The following MTCL1 variants were observed in gnomAD, a reference collection of about 807,000 sequenced individuals.
The protein encoded by MTCL1 is microtubule cross-linking factor 1.
A neutral mutation model predicts 141.4 loss-of-function variants in MTCL1; 79 were observed. The observed-to-expected ratio is 0.56, with a 90% CI of 0.47 to 0.67. MTCL1 has a LOEUF of 0.67. MTCL1 is among the 30% of genes least tolerant of loss of function. MTCL1 has a pLI of 0.00. For missense variants in MTCL1, 2,177 were observed against 2,113.9 expected, an observed-to-expected ratio of 1.03 and a Z score of -0.59; for synonymous variants, 914 against 875.8, an observed-to-expected ratio of 1.04 and a Z score of -0.77.
At chr18:8,761,151 C>A (rs1261289040) in intron 4 of MTCL1, among the ~76,000 whole-genome samples, 1 of 152,236 alleles carries the variant, frequency 6.6e-6, no homozygotes, top group East Asian at 1.9e-4. Context: ...ACTCGCCTGT[C>A]TTTGCTTCTT....
At chr18:8,794,323 C>T (rs2075839273) in intron 8 of MTCL1, among the ~76,000 whole-genome samples, 1 of 152,148 alleles carries the variant, frequency 6.6e-6, no homozygotes. Flanking sequence ...AGGAGATGTC[C>T]TCCAGGCTTG....
At chr18:8,801,246 T>A (rs2076111714) in intron 10 of MTCL1, among the ~76,000 whole-genome samples, 1 of 151,672 alleles carries the variant, frequency 6.6e-6, no homozygotes, top group Non-Finnish European at 1.5e-5. Context: ...TTGCCCAAGA[T>A]GAAAAACTTC....
chr18:8,794,975 A>G (rs527659281), intron 8 of MTCL1, among the ~76,000 whole-genome samples: 2 of 152,364 alleles, frequency 1.3e-5, no homozygotes, highest in South Asian at 2.1e-4. Flanking sequence ...TGCCTTATCA[A>G]TAGGAAATTG....
At chr18:8,831,160 T>G (rs1348367637) in intron 16 of MTCL1, 19 of 989,944 alleles carry the variant, frequency 1.9e-5, no homozygotes, top group Admixed American at 5.8e-5. Context: ...GAGGTCTCTT[T>G]GTGGGCTCCC....
At chr18:8,807,165 G>T in intron 11 of MTCL1, 105 bp downstream of exon 10, 2 of 1,228,310 alleles carry the variant, frequency 1.6e-6, no homozygotes, top group Non-Finnish European at 2.2e-6. Context: ...TGGGCTTCTT[G>T]TCCAGGAAAA....
At position 8,822,677 on chromosome 18, in the gene MTCL1, A is replaced by T. The variant is rs1598811789; in HGVS notation, c.3188+1179A>T. ...CTCAGTTTCCTCATCTGTATACAGG[A>T]CGTATTTTGATTATCTTTTTTTTTT... On this transcript the variant is annotated intron_variant, in intron 14 of 16. Coordinates refer to ENST00000359865, the Ensembl canonical transcript of MTCL1. This position sits in a 1 kb window ranked among gnomAD's most constrained non-coding sequence, Gnocchi z 4.6. Among the ~76,000 whole-genome samples the T allele has an allele frequency of 6.6e-6, 1 of 151,150 alleles. No individual in the cohort carries two copies. The highest frequency in any genetic ancestry group is 1.9e-4 in the East Asian group (1 of 5,176).
chr18:8,751,358 G>A (rs1194536889), intron 4 of MTCL1, among the ~76,000 whole-genome samples: 2 of 152,130 alleles, frequency 1.3e-5, no homozygotes, highest in Non-Finnish European at 2.9e-5. Flanking sequence ...GCCTCTTTTG[G>A]TGACCACCCA....
At chr18:8,821,342 G>A (rs2076839528) in intron 13 of MTCL1, 125 bp from the exon 13 acceptor site, 1 of 624,734 alleles carries the variant, frequency 1.6e-6, no homozygotes, top group Admixed American at 2.9e-5. Flanking sequence ...CCAGAGCTTG[G>A]CCTCAGTGCA....
chr18:8,734,095 G>T (rs765131841), intron 4 of MTCL1, among the ~76,000 whole-genome samples: 1 of 151,998 alleles, frequency 6.6e-6, no homozygotes, highest in Non-Finnish European at 1.5e-5. Flanking sequence ...CTTGGAGCAG[G>T]GTTTCTCTGC....
chr18:8,726,695 A>C (rs753094886), intron 4 of MTCL1, among the ~76,000 whole-genome samples: 1 of 152,104 alleles, frequency 6.6e-6, no homozygotes, highest in Non-Finnish European at 1.5e-5. Context: ...TTCAGTCCAT[A>C]ATAAGGGGGA....
intron 10 of MTCL1, among the ~76,000 whole-genome samples, chr18:8,804,785 G>GTT (rs1203247298): frequency 6.6e-6 from 1 of 152,140 alleles, no homozygotes; most frequent in East Asian, 1.9e-4. Flanking sequence ...TGAGGCCAGA[G>GTT]TTTGAGACCA....
intron 5 of MTCL1, among the ~76,000 whole-genome samples, chr18:8,778,792 C>T (rs901782334): frequency 6.6e-6 from 1 of 152,254 alleles, no homozygotes; most frequent in Non-Finnish European, 1.5e-5. Flanking sequence ...TGCTTATACT[C>T]TTCTGGGCTG....
intron 10 of MTCL1, among the ~76,000 whole-genome samples, chr18:8,806,374 G>A (rs964410769): frequency 6.6e-6 from 1 of 152,130 alleles, no homozygotes; most frequent in African/African-American, 2.4e-5. Flanking sequence ...TTCTCCTCTA[G>A]TACAACATCT....
chr18:8,808,094 TGATA>T (rs2076362639), intron 11 of MTCL1, among the ~76,000 whole-genome samples: 2 of 151,840 alleles, frequency 1.3e-5, no homozygotes, highest in Non-Finnish European at 2.9e-5. Context: ...GATGCTGAGC[TGATA>T]GCCCTGGGTG....
chr18:8,713,112 G>A (rs769277137), upstream of MTCL1, among the ~76,000 whole-genome samples: 1 of 152,032 alleles, frequency 6.6e-6, no homozygotes, highest in Non-Finnish European at 1.5e-5. Flanking sequence ...TGCACACCTG[G>A]TACCTCATTA....
intron 9 of MTCL1, among the ~76,000 whole-genome samples, 166 bp downstream of exon 8, chr18:8,796,628 CACTT>C (rs2075931985): frequency 6.6e-6 from 1 of 152,142 alleles, no homozygotes; most frequent in Non-Finnish European, 1.5e-5. Context: ...TTCATACAGA[CACTT>C]AGATAAGAGA....
Position 8,768,823 on chromosome 18 carries a change from G to T in MTCL1, c.358-9010G>T, listed in dbSNP as rs796837776. Among the ~76,000 whole-genome samples the T allele has an allele frequency of 4.9e-4, 61 of 124,950 alleles. 2 individuals are homozygous for T. The highest frequency in any genetic ancestry group is 1.9e-3 in the African/African-American group (61 of 31,464). 82.0% of individuals were successfully genotyped at this position (124,950 alleles called of 152,430 possible). ...TTTTTTTTTTTTGAGATGGAGTCTC[G>T]CTCTGTCACCCAGGCTGGAGTGCAG... On this transcript the variant is annotated intron_variant, in intron 4 of 16. Coordinates refer to ENST00000359865, the Ensembl canonical transcript of MTCL1.
At chr18:8,786,170 C>T in intron 7 of MTCL1, 79 bp downstream of exon 6, 1 of 1,398,346 alleles carries the variant, frequency 7.2e-7, no homozygotes, top group Non-Finnish European at 9.6e-7. Flanking sequence ...CGTTTTCTGT[C>T]CCGGACGAGG....
At chr18:8,745,090 A>G (rs551622294) in intron 4 of MTCL1, among the ~76,000 whole-genome samples, 1 of 152,322 alleles carries the variant, frequency 6.6e-6, no homozygotes, top group African/African-American at 2.4e-5. Context: ...GGAATTGGAG[A>G]TTTTCAGTTA....
Sources: allele counts gnomAD v4.1 joint callset (sites outside exome capture counted in the v4.1 genomes callset), GRCh38; gene constraint gnomAD v4.1.1; non-coding constraint Gnocchi (gnomAD v3.1); transcripts MANE v1.5; gene names NCBI Gene and HGNC (gene_info 2026-07-23, HGNC 2026-07-21).